Variants in SGCZ observed in about 807,000 individuals in gnomAD.
The protein encoded by SGCZ is zeta-sarcoglycan.
A neutral mutation model predicts 41.3 loss-of-function variants in SGCZ; 40 were observed. The observed-to-expected ratio is 0.97, with a 90% CI of 0.75 to 1.26. The LOEUF (loss-of-function observed/expected upper bound fraction) is 1.26, where lower values mean the gene tolerates loss of function less well. Ranked by LOEUF, SGCZ falls within the 50% of genes most tolerant of loss-of-function variation. SGCZ has a pLI of 0.00. For missense variants in SGCZ, 552 were observed against 369.8 expected (o/e 1.49, Z -4.04); for synonymous variants, 206 against 137.5 (o/e 1.50, Z -3.49).
At position 14,786,222 on chromosome 8, in the gene SGCZ, G is replaced by A. The variant is rs561899573; in HGVS notation, c.40-231296C>T. 6.6e-5 allele frequency among the ~76,000 whole-genome samples: 10 copies of A among 152,110 alleles called. No homozygotes were observed. In the East Asian group the frequency reaches 1.4e-3, roughly 21 times the overall value. On this transcript the variant is annotated intron_variant, in intron 1 of 7. Transcript: ENST00000382080. ...TCTTTGACGAGTTTTATCAGACAGT[G>A]GTCTTTGGTCAGAATCATTTGTAAC...
intron 1 of SGCZ, among the ~76,000 whole-genome samples, chr8:14,972,431 G>T (rs866470377): frequency 6.6e-6 from 1 of 152,060 alleles, no homozygotes; most frequent in Non-Finnish European, 1.5e-5. Flanking sequence ...AGGCAGCATG[G>T]AATTGGGTCT....
intron 1 of SGCZ, among the ~76,000 whole-genome samples, chr8:15,013,297 C>T (rs914514000): frequency 1.3e-5 from 2 of 152,114 alleles, no homozygotes; most frequent in Non-Finnish European, 2.9e-5. Flanking sequence ...AACAAGCCAA[C>T]AGACTGAAAA....
chr8:14,406,568 T>TG (rs1391380240), intron 2 of SGCZ, among the ~76,000 whole-genome samples: 1 of 151,866 alleles, frequency 6.6e-6, no homozygotes, highest in Admixed American at 6.6e-5. Flanking sequence ...AGCTAAGAGG[T>TG]GGAACTCTAC....
intron 2 of SGCZ, among the ~76,000 whole-genome samples, chr8:14,399,880 G>C (rs907486938): frequency 6.6e-6 from 1 of 152,024 alleles, no homozygotes; most frequent in South Asian, 2.1e-4. Context: ...TCTTTAAAGT[G>C]TAATTTAATG....
Position 14,355,976 on chromosome 8 carries a change from C to T in SGCZ, c.235-31772G>A, listed in dbSNP as rs1459043032. On this transcript the variant is annotated intron_variant, in intron 2 of 7. Transcript: ENST00000382080. ...TGGTGTGAAAGTAATACACATTCAG[C>T]AGAAAATATTCTTCCAATTTTGCAT... Among the ~76,000 whole-genome samples the T allele has an allele frequency of 2.6e-5, 4 of 152,116 alleles. No individual in the cohort carries two copies. The East Asian group carries it at 7.7e-4, about 29-fold the overall frequency.
chr8:14,173,439 T>A (rs1292634642), intron 4 of SGCZ, among the ~76,000 whole-genome samples: 3 of 144,014 alleles, frequency 2.1e-5, no homozygotes, highest in African/African-American at 7.4e-5. Context: ...ATGAAATGCA[T>A]AGGGCTGAAA....
At chr8:14,434,823 G>A (rs1355227758) in intron 2 of SGCZ, among the ~76,000 whole-genome samples, 2 of 152,076 alleles carry the variant, frequency 1.3e-5, no homozygotes, top group African/African-American at 4.8e-5. Flanking sequence ...CAGCTACTAT[G>A]GAGCCTGAGG....
chr8:14,298,793 G>C (rs1486291557), intron 3 of SGCZ, among the ~76,000 whole-genome samples: 5 of 151,980 alleles, frequency 3.3e-5, no homozygotes, highest in Non-Finnish European at 7.4e-5. Flanking sequence ...ATGGAATACT[G>C]ATCAAATTCT....
chr8:14,256,997 T>A (rs985708497), intron 3 of SGCZ, among the ~76,000 whole-genome samples: 1 of 152,120 alleles, frequency 6.6e-6, no homozygotes, highest in African/African-American at 2.4e-5. Flanking sequence ...TTAAAAATAA[T>A]CCTCATTATT....
intron 2 of SGCZ, among the ~76,000 whole-genome samples, chr8:14,474,521 T>A (rs1801304236): frequency 6.6e-6 from 1 of 152,208 alleles, no homozygotes; most frequent in South Asian, 2.1e-4. Context: ...TATTCCTCAA[T>A]GTTTAGTCAT....
At chr8:15,076,868 T>A (rs1411245456) in intron 1 of SGCZ, among the ~76,000 whole-genome samples, 1 of 152,038 alleles carries the variant, frequency 6.6e-6, no homozygotes, top group Non-Finnish European at 1.5e-5. Flanking sequence ...AGAGATTTCT[T>A]TGGAGTGCCA....
intron 1 of SGCZ, among the ~76,000 whole-genome samples, chr8:15,202,319 G>T (rs6530844): frequency 6.6e-6 from 1 of 152,104 alleles, no homozygotes; most frequent in Admixed American, 6.6e-5. Context: ...CTAGTCAGCC[G>T]TAAGAAGGAA....
At chr8:15,235,734 G>T (rs1239616872) in intron 1 of SGCZ, among the ~76,000 whole-genome samples, 1 of 146,422 alleles carries the variant, frequency 6.8e-6, no homozygotes, top group Non-Finnish European at 1.5e-5. Context: ...GATTTCAGGG[G>T]AAAGAATCAC....
chr8:14,124,671 G>C (rs560795043), intron 5 of SGCZ, among the ~76,000 whole-genome samples: 33 of 152,252 alleles, frequency 2.2e-4, no homozygotes, highest in African/African-American at 7.9e-4. Context: ...AAGATAAAGA[G>C]TTTCTCCAGG....
intron 1 of SGCZ, among the ~76,000 whole-genome samples, chr8:15,122,583 C>A (rs574686205): frequency 1.3e-5 from 2 of 151,974 alleles, no homozygotes; most frequent in Non-Finnish European, 2.9e-5. Flanking sequence ...AAGAAGACAG[C>A]GAATAAAAAG....
chr8:14,306,857 A>G (rs1801368299), intron 3 of SGCZ, among the ~76,000 whole-genome samples: 1 of 152,224 alleles, frequency 6.6e-6, no homozygotes, highest in Non-Finnish European at 1.5e-5. Context: ...AACATGTATT[A>G]ATACATTACT....
At chr8:14,235,691 T>G (rs1806731406) in intron 4 of SGCZ, among the ~76,000 whole-genome samples, 1 of 152,130 alleles carries the variant, frequency 6.6e-6, no homozygotes, top group Non-Finnish European at 1.5e-5. Flanking sequence ...TGCACTTAAT[T>G]TACGTTTTTT....
At chr8:14,729,526 T>C (rs1158754531) in intron 1 of SGCZ, among the ~76,000 whole-genome samples, 3 of 152,188 alleles carry the variant, frequency 2.0e-5, no homozygotes, top group African/African-American at 7.2e-5. Flanking sequence ...GGGATGAATG[T>C]GCAGAGAATA....
intron 4 of SGCZ, among the ~76,000 whole-genome samples, chr8:14,226,192 T>C (rs1309070203): frequency 1.3e-5 from 2 of 151,990 alleles, no homozygotes; most frequent in Non-Finnish European, 2.9e-5. Context: ...GAATGTTAAG[T>C]TATATATAAA....
Sources: gnomAD v4.1 joint callset for allele counts (sites outside exome capture counted in the v4.1 genomes callset) on GRCh38, gnomAD v4.1.1 for gene constraint, MANE v1.5 for transcripts, NCBI Gene and HGNC (gene_info 2026-07-23, HGNC 2026-07-21) for gene names.